The following PPARGC1A variants were observed in gnomAD, a reference collection of about 807,000 sequenced individuals.
The protein encoded by PPARGC1A is PPARG coactivator 1 alpha, also known as peroxisome proliferator-activated receptor gamma coactivator 1-alpha.
In PPARGC1A, 25 loss-of-function variants were observed where a neutral mutation model predicts 88.7. The ratio of observed to expected loss-of-function variants is 0.28; its 90% CI spans 0.21 to 0.39. The LOEUF is 0.39. PPARGC1A is among the 10% of genes least tolerant of loss of function. PPARGC1A has a pLI of 1.00. For missense variants in PPARGC1A, 880 were observed against 968.7 expected, an observed-to-expected ratio of 0.91 and a Z score of 1.22; for synonymous variants, 363 against 355.6, an observed-to-expected ratio of 1.02 and a Z score of -0.24.
intron 2 of PPARGC1A, among the ~76,000 whole-genome samples, chr4:23,858,842 T>C (rs1409257518): frequency 6.6e-6 from 1 of 151,710 alleles, no homozygotes; most frequent in African/African-American, 2.4e-5. Flanking sequence ...ACAGGAAAAA[T>C]AACTACAAGT....
At chr4:24,442,098 TG>T in the PPARGC1A span, among the ~76,000 whole-genome samples, 1 of 152,068 alleles carries the variant, frequency 6.6e-6, no homozygotes, top group East Asian at 1.9e-4. Flanking sequence ...ATCAGAATCG[TG>T]GAAATCAAAG....
chr4:24,338,883 T>G, the PPARGC1A span, among the ~76,000 whole-genome samples: 2 of 152,098 alleles, frequency 1.3e-5, no homozygotes, highest in Admixed American at 1.3e-4. Context: ...TTACAATCAG[T>G]TCAGTACACT....
At chr4:23,996,643 G>T in the PPARGC1A span, among the ~76,000 whole-genome samples, 1 of 151,994 alleles carries the variant, frequency 6.6e-6, no homozygotes, top group Non-Finnish European at 1.5e-5. Flanking sequence ...TACAAAAAAA[G>T]AAAAGCCTAG....
At chr4:24,220,905 T>C in the PPARGC1A span, among the ~76,000 whole-genome samples, 1 of 152,220 alleles carries the variant, frequency 6.6e-6, no homozygotes, top group Non-Finnish European at 1.5e-5. Flanking sequence ...CCATTTGTTT[T>C]ACAATTCCTT....
upstream of PPARGC1A, among the ~76,000 whole-genome samples, chr4:23,894,145 G>C (rs983183257): frequency 2.6e-5 from 4 of 152,142 alleles, no homozygotes; most frequent in African/African-American, 9.7e-5. Context: ...CTTTATAACT[G>C]AGGGACAGTC....
At chr4:24,189,851 C>G in the PPARGC1A span, among the ~76,000 whole-genome samples, 2 of 152,138 alleles carry the variant, frequency 1.3e-5, no homozygotes, top group African/African-American at 4.8e-5. Context: ...CCTGAGCTCC[C>G]CACCAAAGAA....
At chr4:24,118,568 C>T in the PPARGC1A span, among the ~76,000 whole-genome samples, 5 of 152,224 alleles carry the variant, frequency 3.3e-5, no homozygotes, top group Admixed American at 2.0e-4. Context: ...GAACACTACT[C>T]GGTTTTAACA....
chr4:24,238,129 G>C, the PPARGC1A span, among the ~76,000 whole-genome samples: 2 of 152,134 alleles, frequency 1.3e-5, no homozygotes, highest in Non-Finnish European at 2.9e-5. Flanking sequence ...TAGAGGTAAG[G>C]TTCTGTAACC....
intron 2 of PPARGC1A, chr4:23,883,550 G>A (rs1414845034): frequency 3.9e-5 from 6 of 152,138 alleles, no homozygotes; most frequent in Non-Finnish European, 8.8e-5. Context: ...GTGATTTGGG[G>A]AAAACAAATA....
At chr4:24,065,233 G>A in the PPARGC1A span, among the ~76,000 whole-genome samples, 17 of 152,044 alleles carry the variant, frequency 1.1e-4, no homozygotes, top group African/African-American at 4.1e-4. Flanking sequence ...ACCTGCATCT[G>A]CTCCTCCAAG....
At chr4:24,015,072 G>A in the PPARGC1A span, among the ~76,000 whole-genome samples, 1 of 152,148 alleles carries the variant, frequency 6.6e-6, no homozygotes, top group East Asian at 1.9e-4. Flanking sequence ...GGAGAAGGCA[G>A]GCAGGAATCC....
At chr4:23,854,198 G>A (rs373050308) in intron 2 of PPARGC1A, among the ~76,000 whole-genome samples, 1 of 152,184 alleles carries the variant, frequency 6.6e-6, no homozygotes, top group Admixed American at 6.5e-5. Context: ...AAGTCAGTCC[G>A]ATACTGAGTG....
the PPARGC1A span, among the ~76,000 whole-genome samples, chr4:23,937,971 C>G: frequency 2.0e-5 from 3 of 152,120 alleles, no homozygotes; most frequent in African/African-American, 7.2e-5. Context: ...TTTGCAAAGT[C>G]AGAATAATAT....
chr4:23,970,701 T>G, the PPARGC1A span, among the ~76,000 whole-genome samples: 2 of 152,188 alleles, frequency 1.3e-5, no homozygotes, highest in Non-Finnish European at 2.9e-5. Flanking sequence ...TACAAAATAC[T>G]TTAACTGCAG....
the PPARGC1A span, among the ~76,000 whole-genome samples, chr4:23,939,531 C>A: frequency 1.4e-4 from 21 of 152,238 alleles, no homozygotes; most frequent in African/African-American, 5.1e-4. Context: ...TCACAGGATT[C>A]TATAGTGGTA....
intron 2 of PPARGC1A, among the ~76,000 whole-genome samples, chr4:23,837,150 A>C (rs1312627559): frequency 6.6e-6 from 1 of 152,078 alleles, no homozygotes; most frequent in Non-Finnish European, 1.5e-5. Flanking sequence ...TCTTAATGTG[A>C]ATTAGGCCAG....
chr4:24,111,094 A>T, the PPARGC1A span, among the ~76,000 whole-genome samples: 1 of 152,216 alleles, frequency 6.6e-6, no homozygotes, highest in African/African-American at 2.4e-5. Context: ...GAGGTCACAC[A>T]TCTTGCATTG....
chr4:24,445,933 G>A, the PPARGC1A span, among the ~76,000 whole-genome samples: 1 of 152,192 alleles, frequency 6.6e-6, no homozygotes, highest in Non-Finnish European at 1.5e-5. Flanking sequence ...CTGGTGTGGG[G>A]GCATGTGCTG....
intron 2 of PPARGC1A, among the ~76,000 whole-genome samples, chr4:23,878,532 C>T (rs1715278031): frequency 6.6e-6 from 1 of 152,028 alleles, no homozygotes; most frequent in Admixed American, 6.6e-5. Context: ...ACTCCTGAGC[C>T]ATATTTTTCC....
Sources: gnomAD v4.1 joint callset for allele counts (sites outside exome capture counted in the v4.1 genomes callset) on GRCh38, gnomAD v4.1.1 for gene constraint, MANE v1.5 for transcripts, NCBI Gene and HGNC (gene_info 2026-07-23, HGNC 2026-07-21) for gene names.